The following ANK1 variants were observed in gnomAD, a reference collection of about 807,000 sequenced individuals.
ANK1 encodes ankyrin-1.
ANK1 carries 51 observed loss-of-function variants against 210.4 expected under a neutral mutation model. The ratio of observed to expected loss-of-function variants is 0.24; its 90% confidence interval spans 0.19 to 0.31. The LOEUF (loss-of-function observed/expected upper bound fraction) is 0.31. Among genes scored for constraint, ANK1 ranks in the 10% least tolerant of loss-of-function variants. The pLI, the probability that ANK1 is intolerant of heterozygous loss-of-function variation, is 1.00. For synonymous variants in ANK1, 967 were observed against 1,025.9 expected (o/e 0.94, Z 1.10); for missense variants, 2,051 against 2,504.4 (o/e 0.82, Z 3.86).
At chr8:41,666,837 C>T (rs1810706913) in intron 39 of ANK1, among the ~76,000 whole-genome samples, 1 of 152,248 alleles carries the variant, frequency 6.6e-6, no homozygotes, top group South Asian at 2.1e-4. Context: ...ACTGAGGGAT[C>T]TGGACCCTCC....
At chr8:41,855,192 G>C (rs1452962737) in intron 1 of ANK1, among the ~76,000 whole-genome samples, 1 of 152,214 alleles carries the variant, frequency 6.6e-6, no homozygotes, top group Non-Finnish European at 1.5e-5. Flanking sequence ...TAGATAGATA[G>C]ATAGGTACAG....
intron 1 of ANK1, among the ~76,000 whole-genome samples, chr8:41,871,574 G>A (rs1815511426): frequency 6.6e-6 from 1 of 152,172 alleles, no homozygotes; most frequent in Admixed American, 6.5e-5. Flanking sequence ...CAGCCAAGAA[G>A]TGCAAAAGAT....
At chr8:41,803,430 G>C (rs1046119852) in intron 1 of ANK1, 2 of 152,082 alleles carry the variant, frequency 1.3e-5, no homozygotes, top group African/African-American at 4.8e-5. Flanking sequence ...CATTCCCACT[G>C]CTTCACTTGA....
At chr8:41,896,533 T>A in exon 1 of ANK1, 10 of 1,539,074 alleles carry the variant, frequency 6.5e-6, no homozygotes, top group Non-Finnish European at 7.9e-6. Flanking sequence ...CGCTCAGCGA[T>A]CCCCGAGGCG....
rs900471698 is a variant in ANK1, at chr8:41,752,958, T to C, written c.129+5078A>G. Among the ~76,000 whole-genome samples, 5 of 151,964 alleles carry C rather than the reference T, an allele frequency of 3.3e-5. 1 individual carries two copies. The highest frequency in any genetic ancestry group is 4.2e-4 in the South Asian group (2 of 4,812). ...AGACTGGAATCCTTCATGTGGCTTC[T>C]ACAAGGGGGGGATATTCAACCAGGA... On this transcript the variant is annotated intron_variant, in intron 2 of 42. Transcript: ENST00000289734.
chr8:41,731,831 C>T (rs1832255143), intron 3 of ANK1, among the ~76,000 whole-genome samples: 2 of 152,246 alleles, frequency 1.3e-5, no homozygotes, highest in Admixed American at 6.5e-5. Context: ...TTCCGCAGCC[C>T]TTGAAGGCAC....
At chr8:41,787,282 T>C (rs1284830861) in intron 1 of ANK1, among the ~76,000 whole-genome samples, 1 of 152,250 alleles carries the variant, frequency 6.6e-6, no homozygotes, top group Non-Finnish European at 1.5e-5. Context: ...AAGTCCATTC[T>C]GGCTGGTGAT....
In ANK1 at chr8:41,758,026, T is replaced by G. The variant is rs778342024; in HGVS notation, c.129+10A>C. 11 of 1,612,176 alleles carry G rather than the reference T, an allele frequency of 6.8e-6. No individual in the cohort carries two copies. The Admixed American group carries it at 1.5e-4, about 22-fold the overall frequency. ...TTCAGAGACAACAGGCCTGCCTCCATCCCACTTACCTGGTTACAGGTGTTA... is the reference window on the plus strand; with the variant it reads ...TTCAGAGACAACAGGCCTGCCTCCAGCCCACTTACCTGGTTACAGGTGTTA... On this transcript the variant is annotated intron_variant, in intron 2 of 42. Coordinates refer to ENST00000289734, the MANE Select transcript of ANK1 (RefSeq NM_000037.4).
intron 1 of ANK1, among the ~76,000 whole-genome samples, chr8:41,790,396 C>G (rs1412457511): frequency 6.6e-6 from 1 of 152,196 alleles, no homozygotes; most frequent in Non-Finnish European, 1.5e-5. Flanking sequence ...ATCCGCTCAG[C>G]TCAGCCTCCC....
chr8:41,677,772 T>C (rs1814663339), intron 37 of ANK1, among the ~76,000 whole-genome samples: 2 of 152,088 alleles, frequency 1.3e-5, no homozygotes, highest in African/African-American at 4.8e-5. Flanking sequence ...GTATTTTTTG[T>C]AGAGATGGAG....
At chr8:41,782,089 C>T (rs1454362765) in intron 1 of ANK1, among the ~76,000 whole-genome samples, 1 of 152,196 alleles carries the variant, frequency 6.6e-6, no homozygotes, top group Non-Finnish European at 1.5e-5. Context: ...GCAGAGCCCT[C>T]CATCTAGAGG....
At chr8:41,682,631 G>C (rs189097896) in intron 37 of ANK1, among the ~76,000 whole-genome samples, 9 of 152,210 alleles carry the variant, frequency 5.9e-5, no homozygotes, top group Non-Finnish European at 1.2e-4. Flanking sequence ...AGAACCACTC[G>C]GGCAAGAATG....
intron 1 of ANK1, among the ~76,000 whole-genome samples, chr8:41,861,511 T>G (rs565745390): frequency 6.6e-6 from 1 of 152,340 alleles, no homozygotes; most frequent in East Asian, 1.9e-4. Context: ...ACACTTTGGG[T>G]CCACCACTTC....
intron 13 of ANK1, 115 bp downstream of exon 13, chr8:41,716,838 A>T: frequency 9.2e-7 from 1 of 1,083,696 alleles, no homozygotes; most frequent in Non-Finnish European, 1.4e-6. Context: ...ATCAGGATGA[A>T]AAGTGATCCC....
At chr8:41,798,429 G>T (rs187305792), upstream of ANK1, among the ~76,000 whole-genome samples, 539 of 152,294 alleles carry the variant, frequency 3.5e-3, no homozygotes, top group Non-Finnish European at 6.1e-3. Flanking sequence ...GCGCGGGCAG[G>T]GGGGCGCCCA....
At chr8:41,717,540 G>A (rs1055344978) in intron 12 of ANK1, 64 bp downstream of exon 12, 1 of 1,415,314 alleles carries the variant, frequency 7.1e-7, no homozygotes, top group Non-Finnish European at 9.7e-7. Flanking sequence ...TGGGAGCACT[G>A]GTGAAAGCTG....
At chr8:41,701,057 A>T (rs1822634264) in intron 22 of ANK1, among the ~76,000 whole-genome samples, 1 of 152,206 alleles carries the variant, frequency 6.6e-6, no homozygotes, top group Non-Finnish European at 1.5e-5. Context: ...GCATGAACCC[A>T]GGCACCCAGC....
At chr8:41,841,490 G>A (rs762055011) in intron 1 of ANK1, among the ~76,000 whole-genome samples, 18 of 152,232 alleles carry the variant, frequency 1.2e-4, no homozygotes, top group East Asian at 3.9e-4. Flanking sequence ...AAACAATACC[G>A]CACCAAGCAC....
intron 38 of ANK1, among the ~76,000 whole-genome samples, chr8:41,669,226 T>A (rs1811481998): frequency 6.6e-6 from 1 of 151,946 alleles, no homozygotes; most frequent in South Asian, 2.1e-4. Context: ...CGTGCCTGGA[T>A]GTGTGTCTCC....
Sources: gnomAD v4.1 joint callset for allele counts (sites outside exome capture counted in the v4.1 genomes callset) on GRCh38, gnomAD v4.1.1 for gene constraint, MANE v1.5 for transcripts, NCBI Gene and HGNC (gene_info 2026-07-23, HGNC 2026-07-21) for gene names.